Variants in POMGNT1 observed in about 807,000 individuals in gnomAD.
POMGNT1 encodes the protein protein O-linked-mannose beta-1,2-N-acetylglucosaminyltransferase 1.
POMGNT1 carries 67 observed loss-of-function variants against 95.6 expected under a neutral mutation model. The observed-to-expected ratio is 0.70, with a 90% CI of 0.58 to 0.86. POMGNT1 has a LOEUF of 0.86. POMGNT1 is among the 40% of genes least tolerant of loss of function. POMGNT1 has a pLI of 0.00. For missense variants in POMGNT1, 719 were observed against 855.2 expected, an observed-to-expected ratio of 0.84 and a Z score of 1.99; for synonymous variants, 298 against 317.9, an observed-to-expected ratio of 0.94 and a Z score of 0.66.
intron 1 of POMGNT1, among the ~76,000 whole-genome samples, chr1:46,214,441 TAAAG>T (rs1195401858): frequency 6.6e-6 from 1 of 151,582 alleles, no homozygotes; most frequent in African/African-American, 2.4e-5. Flanking sequence ...AGCATATCCT[TAAAG>T]AGATAAAAGA....
intron 1 of POMGNT1, among the ~76,000 whole-genome samples, chr1:46,219,256 T>C (rs1365608759): frequency 6.6e-6 from 1 of 151,038 alleles, no homozygotes; most frequent in Non-Finnish European, 1.5e-5. Context: ...GATCGCGCCA[T>C]TGCACTCCAT....
upstream of POMGNT1, chr1:46,198,518 GGGC>G (rs562692247): frequency 7.7e-4 from 113 of 146,822 alleles, no homozygotes; most frequent in Non-Finnish European, 1.3e-3. Flanking sequence ...GCGGTGCTTA[GGGC>G]GGCGGCGGCG....
intron 1 of POMGNT1, among the ~76,000 whole-genome samples, chr1:46,216,133 GC>G (rs906711100): frequency 3.3e-5 from 4 of 122,668 alleles, no homozygotes; most frequent in Non-Finnish European, 4.8e-5. Context: ...TGCAGGCTCC[GC>G]CCCCCAGGTT....
At chr1:46,211,251 CCTT>C (rs1263350195) in intron 1 of POMGNT1, among the ~76,000 whole-genome samples, 1 of 152,084 alleles carries the variant, frequency 6.6e-6, no homozygotes, top group Non-Finnish European at 1.5e-5. Flanking sequence ...TGAGTCAGGA[CCTT>C]CTCTGGAATG....
Position 46,192,184 on chromosome 1 carries a change from G to T in POMGNT1, c.1453C>A (p.Arg485Ser). 6.2e-7 allele frequency: 1 copy of T among 1,614,200 alleles called. No individual in the cohort carries two copies. The highest frequency in any genetic ancestry group is 8.5e-7 in the Non-Finnish European group (1 of 1,180,030). The change falls in exon 17 of 22, where the codon CGC (arginine) becomes AGC (serine). Residue 485 changes from arginine to serine, a missense_variant. Arg to Ser is a moderately radical substitution (Grantham distance 110). This residue lies in a region of POMGNT1 where 118 missense variants were observed against 153.6 expected (regional missense o/e 0.77). Coordinates refer to ENST00000371984, the MANE Select transcript of POMGNT1 (RefSeq NM_017739.4). ...WDMWMRMPEQRRGRECIIPDV... is the reference protein window; with the variant it reads ...WDMWMRMPEQSRGRECIIPDV... ...GGGATGATGCACTCTCGGCCCCGGC[G>T]TTGTTCAGGCATCCGCATCCACATG...
At chr1:46,216,787 C>T (rs888993904) in intron 1 of POMGNT1, among the ~76,000 whole-genome samples, 3 of 152,178 alleles carry the variant, frequency 2.0e-5, no homozygotes, top group Non-Finnish European at 4.4e-5. Flanking sequence ...AATCCTTGCC[C>T]CCACCTCTCT....
chr1:46,211,879 A>C (rs1658908020), intron 1 of POMGNT1, among the ~76,000 whole-genome samples: 1 of 152,066 alleles, frequency 6.6e-6, no homozygotes, highest in South Asian at 2.1e-4. Context: ...CTCCTGCCTC[A>C]GCCTCCTGAG....
At chr1:46,200,783 G>T (rs1046556608), upstream of POMGNT1, among the ~76,000 whole-genome samples, 2 of 152,178 alleles carry the variant, frequency 1.3e-5, no homozygotes, top group Non-Finnish European at 2.9e-5. Flanking sequence ...CAGTCTCCTT[G>T]ACTCTAGATT....
chr1:46,203,394 C>T (rs1401959931), upstream of POMGNT1: 8 of 1,432,010 alleles, frequency 5.6e-6, no homozygotes, highest in Non-Finnish European at 7.3e-6. Flanking sequence ...CCCCGGCGTC[C>T]GGTCGCCCAG....
At chr1:46,212,653 T>G (rs1400436553) in intron 1 of POMGNT1, among the ~76,000 whole-genome samples, 1 of 152,170 alleles carries the variant, frequency 6.6e-6, no homozygotes, top group East Asian at 1.9e-4. Flanking sequence ...CTCAGCTCAC[T>G]GTAACCTCTG....
intron 1 of POMGNT1, among the ~76,000 whole-genome samples, chr1:46,216,337 C>T (rs1466798422): frequency 6.6e-6 from 1 of 151,684 alleles, no homozygotes; most frequent in Non-Finnish European, 1.5e-5. Flanking sequence ...TGAGCCACCA[C>T]GCTCGGCCCT....
rs973657911 is a variant in POMGNT1, at chr1:46,192,825, G to C, written c.1211+75C>G. On this transcript the variant is annotated intron_variant, in intron 14 of 21. Coordinates refer to ENST00000371984, the MANE Select transcript of POMGNT1 (RefSeq NM_017739.4). ...CTTGTGAGCTCATGTCCTCCAGAAA[G>C]CTCTCTAGGACACCTCACTGACTCT... 4.4e-6 allele frequency: 7 copies of C among 1,600,012 alleles called. No individual in the cohort carries two copies. The African/African-American group carries it at 8.0e-5, about 18-fold the overall frequency.
chr1:46,219,745 C>T, exon 1 of POMGNT1: 1 of 1,611,392 alleles, frequency 6.2e-7, no homozygotes, highest in South Asian at 1.1e-5. Flanking sequence ...CAGCTGGTGA[C>T]CTTGAATGAG....
chr1:46,216,085 T>C (rs1433244120), intron 1 of POMGNT1, among the ~76,000 whole-genome samples: 7 of 145,726 alleles, frequency 4.8e-5, no homozygotes, highest in African/African-American at 7.7e-5. Flanking sequence ...GTCTCGCTGT[T>C]GCCCAGGCTG....
At chr1:46,207,611 T>C (rs1419174017) in intron 1 of POMGNT1, among the ~76,000 whole-genome samples, 1 of 151,686 alleles carries the variant, frequency 6.6e-6, no homozygotes, top group African/African-American at 2.4e-5. Flanking sequence ...CGATCTCGGC[T>C]CACTGCAAGC....
At chr1:46,218,272 G>T (rs941431722) in intron 1 of POMGNT1, among the ~76,000 whole-genome samples, 1 of 152,190 alleles carries the variant, frequency 6.6e-6, no homozygotes, top group African/African-American at 2.4e-5. Flanking sequence ...TGTGGTCTTA[G>T]CTCCTTGGGA....
At chr1:46,208,592 C>T (rs752860013) in intron 1 of POMGNT1, among the ~76,000 whole-genome samples, 41 of 152,142 alleles carry the variant, frequency 2.7e-4, no homozygotes, top group Admixed American at 1.8e-3. Flanking sequence ...CCTGTAATCC[C>T]AGCATTTTGG....
intron 1 of POMGNT1, among the ~76,000 whole-genome samples, chr1:46,207,361 T>C (rs1658748498): frequency 6.6e-6 from 1 of 151,820 alleles, no homozygotes; most frequent in African/African-American, 2.4e-5. Flanking sequence ...ATTACAGGTG[T>C]GAGCCACTGC....
chr1:46,205,866 G>T (rs61784560), intron 1 of POMGNT1, among the ~76,000 whole-genome samples: 2 of 152,158 alleles, frequency 1.3e-5, no homozygotes, highest in Non-Finnish European at 2.9e-5. Flanking sequence ...ATTTGCCTTC[G>T]GGCTACTGAA....
Sources: gnomAD v4.1 joint callset for allele counts (sites outside exome capture counted in the v4.1 genomes callset) on GRCh38, gnomAD v4.1.1 for gene constraint, gnomAD v4.1.1 regional missense constraint, MANE v1.5 for transcripts, NCBI Gene and HGNC (gene_info 2026-07-23, HGNC 2026-07-21) for gene names.